Variants in REDIC1 observed in about 807,000 individuals in gnomAD.
REDIC1 encodes the protein HEI10 Interacting Protein 1.
At chr12:39,824,556 A>G in the REDIC1 span, among the ~76,000 whole-genome samples, 5 of 152,192 alleles carry the variant, frequency 3.3e-5, no homozygotes, top group African/African-American at 1.2e-4. Flanking sequence ...TTGTAAGGGT[A>G]ACTTTGTTTA....
At chr12:39,659,337 T>C in the REDIC1 span, among the ~76,000 whole-genome samples, 10 of 152,048 alleles carry the variant, frequency 6.6e-5, no homozygotes, top group African/African-American at 1.7e-4. Context: ...TGTGGACTTA[T>C]TTTTATCAAA....
At chr12:39,728,378 T>C in the REDIC1 span, among the ~76,000 whole-genome samples, 1 of 151,902 alleles carries the variant, frequency 6.6e-6, no homozygotes, top group Non-Finnish European at 1.5e-5. Context: ...ATTGAAGGCC[T>C]TTTTTTGCAT....
chr12:39,741,923 G>C, the REDIC1 span, among the ~76,000 whole-genome samples: 1 of 152,322 alleles, frequency 6.6e-6, no homozygotes, highest in Non-Finnish European at 1.5e-5. Context: ...CTGCAGATGT[G>C]ACTTAACCCT....
At chr12:39,774,685 TA>T in the REDIC1 span, among the ~76,000 whole-genome samples, 2 of 151,860 alleles carry the variant, frequency 1.3e-5, no homozygotes, top group African/African-American at 2.4e-5. Context: ...TATTTTCTAA[TA>T]AAAAAGTCTT....
the REDIC1 span, among the ~76,000 whole-genome samples, chr12:39,896,317 T>A: frequency 7.8e-6 from 1 of 128,190 alleles, no homozygotes; most frequent in Non-Finnish European, 1.6e-5. Context: ...TACATATATG[T>A]ATGTATATGT....
the REDIC1 span, among the ~76,000 whole-genome samples, chr12:39,889,777 G>A: frequency 3.9e-5 from 6 of 151,906 alleles, no homozygotes; most frequent in Admixed American, 6.6e-5. Context: ...TGATCTGCCC[G>A]CCTTGGCCTC....
the REDIC1 span, among the ~76,000 whole-genome samples, chr12:39,871,235 G>T: frequency 6.6e-6 from 1 of 152,028 alleles, no homozygotes; most frequent in Non-Finnish European, 1.5e-5. Context: ...TAAAAAAAAG[G>T]TTTTGCTTTA....
the REDIC1 span, among the ~76,000 whole-genome samples, chr12:39,715,388 T>C: frequency 6.6e-6 from 1 of 151,960 alleles, no homozygotes; most frequent in Non-Finnish European, 1.5e-5. Flanking sequence ...TGGGTTTATT[T>C]CCGGGTTCTC....
At chr12:39,731,731 T>G in the REDIC1 span, among the ~76,000 whole-genome samples, 1 of 152,092 alleles carries the variant, frequency 6.6e-6, no homozygotes, top group Non-Finnish European at 1.5e-5. Context: ...AACATTTAAC[T>G]CCGCTGAAGT....
At chr12:39,738,889 G>C in the REDIC1 span, among the ~76,000 whole-genome samples, 7 of 151,906 alleles carry the variant, frequency 4.6e-5, no homozygotes, top group Non-Finnish European at 1.0e-4. Flanking sequence ...TAATCTATGA[G>C]TCATTTCTGA....
the REDIC1 span, among the ~76,000 whole-genome samples, chr12:39,775,445 T>G: frequency 6.6e-6 from 1 of 152,252 alleles, no homozygotes; most frequent in African/African-American, 2.4e-5. Context: ...CTCTGGTCAT[T>G]GTGAAGTTAA....
the REDIC1 span, among the ~76,000 whole-genome samples, chr12:39,720,242 C>T: frequency 6.6e-6 from 1 of 151,734 alleles, no homozygotes; most frequent in Non-Finnish European, 1.5e-5. Flanking sequence ...TTTCCTATTA[C>T]CTGATGCTCT....
the REDIC1 span, among the ~76,000 whole-genome samples, chr12:39,896,623 A>C: frequency 6.6e-6 from 1 of 151,102 alleles, no homozygotes; most frequent in Non-Finnish European, 1.5e-5. Flanking sequence ...TTTATATGTA[A>C]ATTACATATA....
At chr12:39,860,499 C>T in the REDIC1 span, among the ~76,000 whole-genome samples, 3 of 152,146 alleles carry the variant, frequency 2.0e-5, no homozygotes, top group Non-Finnish European at 2.9e-5. Context: ...TAGAACTCTC[C>T]TCCAACTACG....
the REDIC1 span, among the ~76,000 whole-genome samples, chr12:39,630,579 G>C: frequency 2.6e-5 from 4 of 152,156 alleles, no homozygotes; most frequent in Non-Finnish European, 5.9e-5. Context: ...GGGAAGAAAA[G>C]TATGACTTGC....
chr12:39,762,637 CAT>C, the REDIC1 span, among the ~76,000 whole-genome samples: 1 of 151,940 alleles, frequency 6.6e-6, no homozygotes, highest in African/African-American at 2.4e-5. Context: ...ACAAAGAAGA[CAT>C]AACTATTTCC....
the REDIC1 span, among the ~76,000 whole-genome samples, chr12:39,903,995 G>A: frequency 6.6e-6 from 1 of 152,034 alleles, no homozygotes; most frequent in Non-Finnish European, 1.5e-5. Context: ...CTAACAGCTT[G>A]CAATCTAGAT....
At chr12:39,836,178 C>G in the REDIC1 span, among the ~76,000 whole-genome samples, 1 of 152,034 alleles carries the variant, frequency 6.6e-6, no homozygotes, top group East Asian at 1.9e-4. Context: ...GCCTGGAATT[C>G]AGACTATTTT....
chr12:39,659,718 T>C, the REDIC1 span, among the ~76,000 whole-genome samples: 1 of 152,142 alleles, frequency 6.6e-6, no homozygotes, highest in African/African-American at 2.4e-5. Flanking sequence ...ACGAATTCCA[T>C]TATTTTTGTC....
Sources: allele counts gnomAD v4.1 joint callset (sites outside exome capture counted in the v4.1 genomes callset), GRCh38; gene constraint gnomAD v4.1.1; transcripts MANE v1.5; gene names NCBI Gene and HGNC (gene_info 2026-07-23, HGNC 2026-07-21).